The following FCSK variants were observed in gnomAD, a reference collection of about 807,000 sequenced individuals.
The protein encoded by FCSK is L-fucose kinase.
In FCSK, 123 loss-of-function variants were observed where a neutral mutation model predicts 122.5. The ratio of observed to expected loss-of-function variants is 1.00; its 90% CI spans 0.87 to 1.17. The LOEUF is 1.17. FCSK is among the 50% of genes most tolerant of loss of function. The pLI, the probability that FCSK is intolerant of heterozygous loss-of-function variation, is 0.00. For missense variants in FCSK, 1,366 were observed against 1,450.4 expected (o/e 0.94, Z 0.95); for synonymous variants, 620 against 625.5 (o/e 0.99, Z 0.13).
In FCSK at chr16:70,471,104, G is replaced by A. The variant is rs571928811; in HGVS notation, c.1170+32G>A. 6.6e-5 allele frequency: 105 copies of A among 1,590,812 alleles called. 2 individuals carry two copies. In the South Asian group the frequency reaches 9.7e-4, roughly 15 times the overall value. On this transcript the variant is annotated intron_variant, in intron 12 of 23. Transcript: ENST00000288078. ...CCTGAGCGTGTGGGCAGATTGGGGC[G>A]AGGGTGCTGGCATCCCGCATGTGTT...
At chr16:70,471,701 C>T (rs747563950) in intron 13 of FCSK, among the ~76,000 whole-genome samples, 2 of 152,070 alleles carry the variant, frequency 1.3e-5, no homozygotes, top group Non-Finnish European at 2.9e-5. Context: ...CAGGTTCAAG[C>T]GATTCTCCTG....
chr16:70,461,226 ATG>A (rs1474507417), intron 1 of FCSK, among the ~76,000 whole-genome samples: 1 of 152,098 alleles, frequency 6.6e-6, no homozygotes, highest in African/African-American at 2.4e-5. Flanking sequence ...TGACCACCAG[ATG>A]TGTGCTCAGG....
intron 3 of FCSK, 82 bp downstream of exon 3, chr16:70,463,856 T>C: frequency 3.5e-6 from 5 of 1,433,324 alleles, no homozygotes; most frequent in Non-Finnish European, 4.7e-6. Flanking sequence ...CTCCTCTGGC[T>C]CCATCGCCTT....
chr16:70,470,532 C>T, intron 11 of FCSK, 106 bp downstream of exon 11: 1 of 720,938 alleles, frequency 1.4e-6, no homozygotes, highest in South Asian at 1.6e-5. Flanking sequence ...GACCCGAGTG[C>T]AGGTGTTACC....
At chr16:70,459,532 C>T (rs1365401078) in intron 1 of FCSK, among the ~76,000 whole-genome samples, 3 of 151,828 alleles carry the variant, frequency 2.0e-5, no homozygotes, top group Non-Finnish European at 4.4e-5. Flanking sequence ...AGTAAGACTC[C>T]ATCTCAGAAA....
rs1308220730 is a variant in FCSK, at chr16:70,471,224, G to A, written c.1213G>A (p.Asp405Asn). 1.2e-6 allele frequency: 2 copies of A among 1,610,616 alleles called. No homozygotes were observed. The highest frequency in any genetic ancestry group is 2.2e-5 in the East Asian group (1 of 44,820). ...IGAGCLVTGL[D>N]TAHSKALHGR... ...CGCTGGCTGCTTGGTGACTGGCCTG[G>A]ATACAGCCCACTCCAAGGCCCTGCA... Residue 405 changes from aspartate to asparagine, a missense_variant, in exon 13 of 24, where the codon GAT (aspartate) becomes AAT (asparagine). Coordinates refer to ENST00000288078, the MANE Select transcript of FCSK (RefSeq NM_145059.3).
intron 22 of FCSK, 128 bp downstream of exon 22, chr16:70,478,778 T>G: frequency 2.5e-6 from 2 of 788,908 alleles, no homozygotes; most frequent in Non-Finnish European, 4.3e-6. Flanking sequence ...AACAGAAGCC[T>G]ACTGTCTGTC....
At chr16:70,455,355 C>G (rs190227414) in intron 1 of FCSK, among the ~76,000 whole-genome samples, 91 of 152,210 alleles carry the variant, frequency 6.0e-4, no homozygotes, top group Non-Finnish European at 1.0e-3. Context: ...CGCCAAGGCT[C>G]ATGCCTGTAA....
intron 1 of FCSK, among the ~76,000 whole-genome samples, chr16:70,457,244 T>C (rs1191524662): frequency 2.6e-5 from 4 of 152,040 alleles, no homozygotes; most frequent in African/African-American, 9.7e-5. Context: ...TCTGGGCCAT[T>C]GGACTCTCTG....
In FCSK at chr16:70,473,212, C is replaced by T. The variant is rs745693760; in HGVS notation, c.1636C>T (p.Arg546Cys). 39 of 1,536,560 alleles carry T rather than the reference C, an allele frequency of 2.5e-5. No homozygotes were observed. The East Asian group carries it at 5.1e-4, about 20-fold the overall frequency. The change falls in exon 15 of 24, where the codon CGC (arginine) becomes TGC (cysteine). Residue 546 changes from arginine to cysteine, a missense_variant. Transcript: ENST00000288078. The surrounding 1 kb of genome is among the most constrained non-coding windows in gnomAD (Gnocchi z 4.9). ...CLDRAATLAS[R>C]RDLFFRQALH... ...GGATCGGGCTGCCACGCTGGCCTCT[C>T]GCCGGGACCTGTTCTTCCGCCAGGC...
chr16:70,472,974 C>T lies in FCSK; in HGVS notation c.1407-9C>T. The T allele has an allele frequency of 6.3e-7, 1 of 1,598,164 alleles. No individual in the cohort carries two copies. The highest frequency in any genetic ancestry group is 8.5e-7 in the Non-Finnish European group (1 of 1,173,136). On this transcript the variant is annotated splice_polypyrimidine_tract_variant and intron_variant, in intron 14 of 23. Coordinates refer to ENST00000288078, the MANE Select transcript of FCSK (RefSeq NM_145059.3). ...TCCCTCCTGGGAATGTGCCTTCTCC[C>T]CACATCAGAGCCTGGGACCTGTGGG...
intron 5 of FCSK, 56 bp downstream of exon 5, chr16:70,466,313 C>G (rs1317006398): frequency 3.1e-6 from 5 of 1,602,064 alleles, no homozygotes; most frequent in Non-Finnish European, 4.3e-6. Flanking sequence ...ACTTCCCTCC[C>G]ACTGTTCCCC....
chr16:70,479,793 C>A lies in FCSK; in HGVS notation c.*113C>A. 1 of 760,044 alleles carries A rather than the reference C, an allele frequency of 1.3e-6. No homozygotes were observed. Among genetic ancestry groups the A allele is most frequent in the Non-Finnish European group, 2.1e-6 (1 of 468,626 alleles). 47.1% of individuals were successfully genotyped at this position (760,044 alleles called of 1,614,324 possible). A position where few individuals can be genotyped will look rare whatever the true frequency, so the allele number is the denominator to read the frequency against. On this transcript the variant is annotated 3_prime_UTR_variant, in exon 24 of 24. Coordinates refer to ENST00000288078, the MANE Select transcript of FCSK (RefSeq NM_145059.3). ...CCCACCCACCTCTGCGAATCTGCTC[C>A]CAAAGGAAGCTGACCAGAGCAAGAT...
rs759026993 is a variant in FCSK at position 70,478,620 on chromosome 16, A to C, written c.2899A>C (p.Thr967Pro). The C allele has an allele frequency of 1.2e-6, 2 of 1,613,720 alleles. No individual in the cohort carries two copies. The highest frequency in any genetic ancestry group is 1.7e-6 in the Non-Finnish European group (2 of 1,180,026). Residue 967 changes from threonine to proline, a missense_variant, in exon 22 of 24, where the codon ACT (threonine) becomes CCT (proline). Physicochemically the swap from Thr to Pro is conservative, Grantham distance 38. Transcript: ENST00000288078. ...GAATGCCCACAGCCTGGTACGGCAA[A>C]CTGAGGAGTGTGCTGAAGGCTTCCG... ...VQNAHSLVRQTEECAEGFRQG... is the reference protein window; with the variant it reads ...VQNAHSLVRQPEECAEGFRQG...
At chr16:70,472,484 GTC>G in intron 13 of FCSK, 55 bp from the exon 14 acceptor site, 1 of 1,432,958 alleles carries the variant, frequency 7.0e-7, no homozygotes, top group Non-Finnish European at 9.7e-7. Context: ...CTGGCCGAGT[GTC>G]TCTAACCCTT....
chr16:70,469,661 C>G (rs771352021), intron 10 of FCSK, among the ~76,000 whole-genome samples: 1 of 152,248 alleles, frequency 6.6e-6, no homozygotes, highest in East Asian at 1.9e-4. Flanking sequence ...TCAAGCAATT[C>G]TCCTGCCTCA....
In FCSK at chr16:70,474,885, AG is replaced by A. The variant is rs2048751539; in HGVS notation, c.2254del (p.Ala752HisfsTer20). 1 of 1,605,380 alleles carries A rather than the reference AG, an allele frequency of 6.2e-7. No individual in the cohort carries two copies. The highest frequency in any genetic ancestry group is 2.2e-5 in the East Asian group (1 of 44,446). On this transcript the variant is annotated frameshift_variant, in exon 18 of 24. Transcript: ENST00000288078. LOFTEE classifies it high-confidence loss of function. ...RVDGRRPIGA[R>X]ARRIPEPELW... ...GGACGGCCGCCGGCCCATCGGAGCCAGGGCACGCCGCATCCCGGAGCCTGAG... is the reference window on the plus strand; with the variant it reads ...GGACGGCCGCCGGCCCATCGGAGCCAGGCACGCCGCATCCCGGAGCCTGAG...
chr16:70,462,148 T>TA (rs201977413), intron 1 of FCSK: 6,231 of 152,314 alleles, frequency 0.041, 440 homozygotes, highest in African/African-American at 0.14. Flanking sequence ...TTATTTGACT[T>TA]TTTTTTGTTT....
At position 70,479,700 on chromosome 16, in the gene FCSK, C is replaced by T. The variant is rs1419060039; in HGVS notation, c.*20C>T. ...CCATGAAGCTGGCTTCTCTCTGCAA[C>T]AGGAGAAAACCTGGAGCTACAGTGT... On this transcript the variant is annotated 3_prime_UTR_variant, in exon 24 of 24. Transcript: ENST00000288078. 6.9e-6 allele frequency: 11 copies of T among 1,597,974 alleles called. No homozygotes were observed. Among genetic ancestry groups the T allele is most frequent in the Non-Finnish European group, 9.4e-6 (11 of 1,166,778 alleles).
Sources: allele counts gnomAD v4.1 joint callset (sites outside exome capture counted in the v4.1 genomes callset), GRCh38; gene constraint gnomAD v4.1.1; non-coding constraint Gnocchi (gnomAD v3.1); transcripts MANE v1.5; gene names NCBI Gene and HGNC (gene_info 2026-07-23, HGNC 2026-07-21).